LMLN: variants seen among roughly 807,000 people sequenced by gnomAD.
LMLN encodes the protein leishmanolysin-like peptidase.
Under a neutral mutation model 92.3 loss-of-function variants are expected in LMLN, and 70 were observed. That is an observed-to-expected ratio of 0.76 (90% CI 0.63 to 0.92). The LOEUF is 0.92. Ranked by LOEUF, LMLN falls within the 40% of genes least tolerant of loss-of-function variation. The probability of loss-of-function intolerance (pLI) is 0.00; values close to 1 mark genes in which losing one functional copy is unlikely to be tolerated. For synonymous variants in LMLN, 308 were observed against 296.2 expected (o/e 1.04, Z -0.41); for missense variants, 691 against 814.6 (o/e 0.85, Z 1.85).
intron 11 of LMLN, among the ~76,000 whole-genome samples, chr3:198,004,530 A>G (rs201499697): frequency 3.1e-5 from 3 of 95,626 alleles, no homozygotes; most frequent in African/African-American, 1.6e-4. Flanking sequence ...TATATCATCT[A>G]TACAGATACA....
intron 3 of LMLN, 144 bp from the exon 4 acceptor site, chr3:197,975,885 C>T (rs1312655532): frequency 3.7e-6 from 2 of 540,528 alleles, no homozygotes; most frequent in African/African-American, 3.9e-5. Context: ...CTTCCTACCC[C>T]TTGCCATACA....
At chr3:198,010,962 G>C (rs1211287827) in intron 11 of LMLN, among the ~76,000 whole-genome samples, 4 of 151,898 alleles carry the variant, frequency 2.6e-5, no homozygotes, top group African/African-American at 7.3e-5. Flanking sequence ...CGATTATTTA[G>C]AAGTGTGTTG....
At chr3:197,992,784 T>TA (rs1553820038) in intron 9 of LMLN, among the ~76,000 whole-genome samples, 2 of 152,056 alleles carry the variant, frequency 1.3e-5, no homozygotes, top group Non-Finnish European at 2.9e-5. Flanking sequence ...ACTTTTTTTT[T>TA]ACCAGGGCAG....
At chr3:197,991,336 G>T (rs1721863518) in intron 9 of LMLN, among the ~76,000 whole-genome samples, 1 of 152,024 alleles carries the variant, frequency 6.6e-6, no homozygotes, top group Middle Eastern at 3.4e-3. Flanking sequence ...GATCTCCTGG[G>T]CTCAAGCAGT....
intron 8 of LMLN, 46 bp downstream of exon 8, chr3:197,985,936 C>T (rs1721693953): frequency 8.7e-7 from 1 of 1,146,264 alleles, no homozygotes. Context: ...TAGGAGGGTG[C>T]TAAGACTAGA....
At chr3:197,981,623 C>G (rs545927627) in intron 6 of LMLN, among the ~76,000 whole-genome samples, 15 of 152,318 alleles carry the variant, frequency 9.8e-5, no homozygotes, top group Admixed American at 3.3e-4. Flanking sequence ...TCCTGTGAAG[C>G]AGCTTAGCTT....
intron 11 of LMLN, among the ~76,000 whole-genome samples, chr3:198,016,368 G>T (rs2109929537): frequency 6.6e-6 from 1 of 152,224 alleles, no homozygotes; most frequent in East Asian, 1.9e-4. Flanking sequence ...AACCACTCTG[G>T]GTGTCCCCAG....
chr3:197,992,239 G>A (rs1345986494), intron 9 of LMLN, among the ~76,000 whole-genome samples: 1 of 152,002 alleles, frequency 6.6e-6, no homozygotes, highest in Non-Finnish European at 1.5e-5. Flanking sequence ...CAAATGATCA[G>A]TCATTATAGA....
intron 5 of LMLN, among the ~76,000 whole-genome samples, chr3:197,978,791 G>C (rs1721474646): frequency 6.6e-6 from 1 of 152,132 alleles, no homozygotes; most frequent in African/African-American, 2.4e-5. Context: ...AGGAGTTCAA[G>C]ACCAGCCTGG....
At position 198,025,174 on chromosome 3, in the gene LMLN, G is replaced by A. The variant is rs1722896174; in HGVS notation, c.1656+386G>A. ...AATCAGGCTGGACGTGGTGGCTCAC[G>A]CCTGTAATCCCAGCACTTTGGGAGG... On this transcript the variant is annotated intron_variant, in intron 14 of 15. Coordinates refer to ENST00000330198, the Ensembl canonical transcript of LMLN. The surrounding 1 kb of genome is among the most constrained non-coding windows in gnomAD (Gnocchi z 4.3). Among the ~76,000 whole-genome samples, 2 of 152,132 alleles carry A rather than the reference G, an allele frequency of 1.3e-5. No individual in the cohort carries two copies. The highest frequency in any genetic ancestry group is 4.8e-5 in the African/African-American group (2 of 41,432).
chr3:197,964,813 C>G (rs1162860028), intron 1 of LMLN, among the ~76,000 whole-genome samples: 4 of 151,756 alleles, frequency 2.6e-5, no homozygotes, highest in Non-Finnish European at 4.4e-5. Context: ...TTTGAGACCA[C>G]CCTGGCCAAC....
intron 10 of LMLN, among the ~76,000 whole-genome samples, chr3:197,998,840 T>C (rs1048006234): frequency 6.6e-6 from 1 of 152,276 alleles, no homozygotes; most frequent in Admixed American, 6.5e-5. Flanking sequence ...CACATGTTTC[T>C]GTGATCACAG....
intron 12 of LMLN, 24 bp from the exon 14 acceptor site, chr3:198,021,409 TTCTTACTTTCTTG>T: frequency 6.3e-7 from 1 of 1,598,050 alleles, no homozygotes; most frequent in Middle Eastern, 1.7e-4. Flanking sequence ...TACAGAATGT[TTCTTACTTTCTTG>T]TCTTCCCAAT....
chr3:197,996,350 A>G, intron 10 of LMLN, 68 bp downstream of exon 10: 1 of 1,053,080 alleles, frequency 9.5e-7, no homozygotes. Flanking sequence ...GGTAAAACTT[A>G]TTCAAGCAGG....
At chr3:198,014,983 C>A (rs1449860296) in intron 11 of LMLN, among the ~76,000 whole-genome samples, 1 of 138,528 alleles carries the variant, frequency 7.2e-6, no homozygotes, top group Non-Finnish European at 1.6e-5. Context: ...TTCTCTCCAC[C>A]GTTCAGAGCC....
intron 15 of LMLN, among the ~76,000 whole-genome samples, chr3:198,038,100 A>G (rs1237475049): frequency 1.3e-5 from 2 of 151,656 alleles, no homozygotes. Context: ...GCCTGTTGTC[A>G]TTATTGATGG....
intron 11 of LMLN, among the ~76,000 whole-genome samples, chr3:198,014,957 C>T (rs1195371598): frequency 2.2e-5 from 3 of 134,610 alleles, no homozygotes; most frequent in Non-Finnish European, 4.8e-5. Flanking sequence ...CTTCAGAGCC[C>T]CCTAACTAGT....
At chr3:198,020,131 G>T (rs1470692428) in intron 12 of LMLN, among the ~76,000 whole-genome samples, 2 of 152,182 alleles carry the variant, frequency 1.3e-5, no homozygotes, top group African/African-American at 4.8e-5. Context: ...AAAGCGCTGG[G>T]ATTACAGGTG....
At chr3:197,981,961 C>T (rs991291007) in intron 6 of LMLN, among the ~76,000 whole-genome samples, 2 of 152,092 alleles carry the variant, frequency 1.3e-5, no homozygotes, top group South Asian at 2.1e-4. Context: ...TGCGCCACTG[C>T]GCCCAACTAA....
Sources: gnomAD v4.1 joint callset for allele counts (sites outside exome capture counted in the v4.1 genomes callset) on GRCh38, gnomAD v4.1.1 for gene constraint, Gnocchi (gnomAD v3.1) non-coding constraint, MANE v1.5 for transcripts, NCBI Gene and HGNC (gene_info 2026-07-23, HGNC 2026-07-21) for gene names.